The following TFDP2 variants were observed in gnomAD, a reference collection of about 807,000 sequenced individuals.
TFDP2 encodes transcription factor Dp-2 (E2F dimerization partner 2).
In TFDP2, 17 loss-of-function variants were observed where a neutral mutation model predicts 59.3. The observed-to-expected ratio is 0.29, with a 90% confidence interval of 0.20 to 0.43. The LOEUF (loss-of-function observed/expected upper bound fraction) is 0.43. Among genes scored for constraint, TFDP2 ranks in the 20% least tolerant of loss-of-function variants. TFDP2 has a pLI of 1.00. For missense variants in TFDP2, 391 were observed against 528.8 expected, an observed-to-expected ratio of 0.74 and a Z score of 2.56; for synonymous variants, 180 against 194.7, an observed-to-expected ratio of 0.92 and a Z score of 0.63.
At chr3:142,118,555 TAGAA>T (rs1210722571) in intron 1 of TFDP2, among the ~76,000 whole-genome samples, 7 of 151,908 alleles carry the variant, frequency 4.6e-5, no homozygotes, top group East Asian at 1.9e-4. Context: ...ATTAAAGAAA[TAGAA>T]AGAAACAAAC....
At chr3:142,089,557 T>C (rs2060931841) in intron 3 of TFDP2, among the ~76,000 whole-genome samples, 1 of 152,090 alleles carries the variant, frequency 6.6e-6, no homozygotes, top group African/African-American at 2.4e-5. Flanking sequence ...TGAGTACTTA[T>C]CTTAATAAAT....
intron 1 of TFDP2, among the ~76,000 whole-genome samples, chr3:142,143,735 C>G (rs573047202): frequency 4.5e-4 from 69 of 152,172 alleles, no homozygotes; most frequent in African/African-American, 1.5e-3. Context: ...GGCTTATATC[C>G]AAAAGACAGA....
At chr3:142,124,553 T>C (rs891891791) in intron 1 of TFDP2, among the ~76,000 whole-genome samples, 2 of 152,178 alleles carry the variant, frequency 1.3e-5, no homozygotes, top group Non-Finnish European at 2.9e-5. Flanking sequence ...TATACCTCAC[T>C]CAAAATAAAT....
intron 4 of TFDP2, 122 bp downstream of exon 4, chr3:142,005,319 G>A: frequency 1.4e-6 from 1 of 740,480 alleles, no homozygotes; most frequent in Non-Finnish European, 2.2e-6. Context: ...GATTACAGGA[G>A]TGAGCCACCT....
At chr3:142,066,410 G>T (rs1159972517) in intron 3 of TFDP2, among the ~76,000 whole-genome samples, 2 of 152,110 alleles carry the variant, frequency 1.3e-5, no homozygotes, top group African/African-American at 2.4e-5. Flanking sequence ...AACATTATAG[G>T]TTAGCTCAGC....
At chr3:141,993,690 C>A in intron 5 of TFDP2, 105 bp from the exon 6 acceptor site, 1 of 570,982 alleles carries the variant, frequency 1.8e-6, no homozygotes, top group South Asian at 3.2e-5. Context: ...TGAATATATT[C>A]AAAGACTAAA....
chr3:142,114,844 T>A (rs1560159817), intron 1 of TFDP2, among the ~76,000 whole-genome samples: 2 of 152,166 alleles, frequency 1.3e-5, no homozygotes, highest in Non-Finnish European at 2.9e-5. Context: ...CAGGTACATG[T>A]ATATGCATAG....
chr3:142,070,695 A>AT (rs996985871), intron 3 of TFDP2, among the ~76,000 whole-genome samples: 4 of 152,152 alleles, frequency 2.6e-5, no homozygotes, highest in African/African-American at 9.7e-5. Context: ...AGTTTTGTCC[A>AT]TTTTTTGAAA....
At chr3:142,011,884 T>C (rs1255217711) in intron 3 of TFDP2, among the ~76,000 whole-genome samples, 1 of 152,164 alleles carries the variant, frequency 6.6e-6, no homozygotes, top group East Asian at 1.9e-4. Context: ...GGGAATACTG[T>C]AGAGCCTTTC....
intron 3 of TFDP2, among the ~76,000 whole-genome samples, chr3:142,010,110 T>C (rs1005531933): frequency 3.3e-5 from 5 of 152,226 alleles, no homozygotes; most frequent in Non-Finnish European, 5.9e-5. Flanking sequence ...AGACTTAATA[T>C]ACTTAGAAGA....
intron 3 of TFDP2, among the ~76,000 whole-genome samples, chr3:142,051,846 CTGGACTTAG>C (rs1947646629): frequency 6.6e-6 from 1 of 152,084 alleles, no homozygotes; most frequent in African/African-American, 2.4e-5. Context: ...TATCATAAGG[CTGGACTTAG>C]TGACTCATGT....
At chr3:142,011,653 T>C (rs1178240214) in intron 3 of TFDP2, among the ~76,000 whole-genome samples, 1 of 147,650 alleles carries the variant, frequency 6.8e-6, no homozygotes, top group Non-Finnish European at 1.5e-5. Context: ...AACAACAAAC[T>C]TTTTTAAAAA....
chr3:142,113,246 ATTTATTT>A (rs925916928), intron 1 of TFDP2, among the ~76,000 whole-genome samples: 4 of 150,260 alleles, frequency 2.7e-5, no homozygotes, highest in Admixed American at 2.7e-4. Context: ...GCTAGATGAC[ATTTATTT>A]TTTATTTATT....
At chr3:142,016,599 C>G (rs1313414910) in intron 3 of TFDP2, among the ~76,000 whole-genome samples, 43 of 152,190 alleles carry the variant, frequency 2.8e-4, no homozygotes. Context: ...CCACACCTGG[C>G]CAGATGGTAA....
At chr3:142,111,121 G>T (rs2108671458) in intron 1 of TFDP2, among the ~76,000 whole-genome samples, 1 of 152,084 alleles carries the variant, frequency 6.6e-6, no homozygotes, top group South Asian at 2.1e-4. Context: ...GTGCTATGAT[G>T]GAGACATAAA....
intron 3 of TFDP2, among the ~76,000 whole-genome samples, chr3:142,023,139 AAAAAGAAAAAG>A (rs1560050702): frequency 4.0e-5 from 6 of 150,700 alleles, no homozygotes; most frequent in South Asian, 2.1e-4. Flanking sequence ...AAAAAAAAAA[AAAAAGAAAAAG>A]AAAAGAAAAA....
intron 3 of TFDP2, among the ~76,000 whole-genome samples, chr3:142,015,069 T>C (rs1295591306): frequency 6.6e-6 from 1 of 152,138 alleles, no homozygotes; most frequent in Non-Finnish European, 1.5e-5. Context: ...AAACACTAAC[T>C]CCACTTGATA....
Position 141,952,967 on chromosome 3 carries a change from A to G in TFDP2, c.1101T>C (p.Ser367=), listed in dbSNP as rs1354584762. Residue 367 remains serine, a synonymous_variant, in exon 12 of 13, where the codon TCT becomes TCC. Coordinates refer to ENST00000489671, the MANE Select transcript of TFDP2 (RefSeq NM_001178139.2). ...GGTCTAAATTTGAAACTGATTGGGT[A>G]GAGTTCAGAAGTAGTCCCTGATTTA... The part of the protein sequence containing the change: ...SWLNQGLLLN[S]TQSVSNLDLT... 1 of 1,614,182 alleles carries G rather than the reference A, an allele frequency of 6.2e-7. No homozygotes were observed. Among genetic ancestry groups the G allele is most frequent in the Admixed American group, 1.7e-5 (1 of 60,024 alleles).
Position 141,950,705 on chromosome 3 carries a change from A to G in TFDP2, c.*1808T>C, listed in dbSNP as rs936414739. ...TTAGTAAAAGAGGAGGCTGCCCCTT[A>G]AAGGACAGTTTGGTTTGGAGGGAAA... On this transcript the variant is annotated 3_prime_UTR_variant, in exon 13 of 13. Coordinates refer to ENST00000489671, the MANE Select transcript of TFDP2 (RefSeq NM_001178139.2). 5 of 152,590 alleles carry G rather than the reference A, an allele frequency of 3.3e-5. No individual in the cohort carries two copies. The highest frequency in any genetic ancestry group is 1.2e-4 in the African/African-American group (5 of 41,414). 9.5% of individuals were successfully genotyped at this position (152,590 alleles called of 1,614,324 possible).
Sources: gnomAD v4.1 joint callset for allele counts (sites outside exome capture counted in the v4.1 genomes callset) on GRCh38, gnomAD v4.1.1 for gene constraint, MANE v1.5 for transcripts, NCBI Gene and HGNC (gene_info 2026-07-23, HGNC 2026-07-21) for gene names.